RBFOX1: variants seen among roughly 807,000 people sequenced by gnomAD.
RBFOX1 encodes the protein RNA binding fox-1 homolog 1, also known as RNA binding protein fox-1 homolog 1.
A neutral mutation model predicts 57.7 loss-of-function variants in RBFOX1; 8 were observed. That is an observed-to-expected ratio of 0.14 (90% CI 0.08 to 0.25). The LOEUF is 0.25. Ranked by LOEUF, RBFOX1 falls within the 10% of genes least tolerant of loss-of-function variation. RBFOX1 has a pLI of 1.00. For missense variants in RBFOX1, 611 were observed against 548.5 expected (o/e 1.11, Z -1.14); for synonymous variants, 326 against 222.4 (o/e 1.47, Z -4.15).
At chr16:7,369,467 A>T (rs1179946958) in intron 4 of RBFOX1, among the ~76,000 whole-genome samples, 1 of 152,136 alleles carries the variant, frequency 6.6e-6, no homozygotes, top group Non-Finnish European at 1.5e-5. Flanking sequence ...TGGAACCAAG[A>T]TGAATAATAA....
intron 3 of RBFOX1, among the ~76,000 whole-genome samples, chr16:5,824,466 T>A (rs1338460290): frequency 6.6e-6 from 1 of 152,150 alleles, no homozygotes; most frequent in African/African-American, 2.4e-5. Context: ...CCAGGGCACA[T>A]TCCCAGGGCC....
intron 4 of RBFOX1, among the ~76,000 whole-genome samples, chr16:7,100,887 G>C (rs980248222): frequency 6.6e-6 from 1 of 152,124 alleles, no homozygotes; most frequent in Non-Finnish European, 1.5e-5. Context: ...AAGTTAAACT[G>C]CTAAACATTT....
chr16:6,707,528 G>C (rs1329004363), intron 3 of RBFOX1, among the ~76,000 whole-genome samples: 1 of 113,804 alleles, frequency 8.8e-6, no homozygotes, highest in African/African-American at 3.6e-5. Flanking sequence ...GAACATCCTT[G>C]TACATGCATC....
At position 6,644,252 on chromosome 16, in the gene RBFOX1, A is replaced by AT. The variant is rs1278584598; in HGVS notation, c.-63-10350dup. Among the ~76,000 whole-genome samples, 6 of 152,360 alleles carry AT rather than the reference A, an allele frequency of 3.9e-5. No individual in the cohort carries two copies. The East Asian group carries it at 1.2e-3, about 29-fold the overall frequency. On this transcript the variant is annotated intron_variant, in intron 2 of 15. Transcript: ENST00000550418. ...TTTCACAACAATAGGCAATGTAAGCATGCATCCAAACTATCAGAAAGCTTG... is the reference window on the plus strand; with the variant it reads ...TTTCACAACAATAGGCAATGTAAGCATTGCATCCAAACTATCAGAAAGCTTG...
At chr16:6,963,163 C>G (rs180878986) in intron 3 of RBFOX1, among the ~76,000 whole-genome samples, 114 of 152,226 alleles carry the variant, frequency 7.5e-4, no homozygotes, top group Non-Finnish European at 6.5e-4. Flanking sequence ...AGTTGCCACC[C>G]AAGCCTAGCA....
At chr16:7,217,499 G>T (rs1031469146) in intron 4 of RBFOX1, among the ~76,000 whole-genome samples, 7 of 151,782 alleles carry the variant, frequency 4.6e-5, no homozygotes, top group Non-Finnish European at 1.0e-4. Context: ...CCTGGTGTTC[G>T]GGAGTCTGCT....
intron 1 of RBFOX1, among the ~76,000 whole-genome samples, chr16:6,151,261 G>T (rs1218809609): frequency 1.3e-5 from 2 of 152,136 alleles, no homozygotes; most frequent in Non-Finnish European, 2.9e-5. Context: ...TTCAGGAATT[G>T]CATAATTCCT....
At chr16:6,669,651 C>T (rs982444004) in intron 3 of RBFOX1, among the ~76,000 whole-genome samples, 5 of 152,012 alleles carry the variant, frequency 3.3e-5, no homozygotes, top group Admixed American at 6.6e-5. Context: ...TTTTCTTTTG[C>T]GTGTGTGTTT....
At chr16:7,537,703 C>G (rs1302827911) in intron 5 of RBFOX1, among the ~76,000 whole-genome samples, 3 of 152,154 alleles carry the variant, frequency 2.0e-5, no homozygotes, top group East Asian at 3.9e-4. Context: ...CATCCAGGCC[C>G]TTATGCTTGG....
chr16:6,312,186 T>C (rs1018886689), intron 1 of RBFOX1, among the ~76,000 whole-genome samples: 2 of 152,132 alleles, frequency 1.3e-5, no homozygotes, highest in East Asian at 1.9e-4. Context: ...TAAATGGGCA[T>C]GTTTCTTACA....
At chr16:6,978,228 A>G (rs559210239) in intron 3 of RBFOX1, among the ~76,000 whole-genome samples, 1 of 152,308 alleles carries the variant, frequency 6.6e-6, no homozygotes, top group Non-Finnish European at 1.5e-5. Flanking sequence ...GCTTCTTGAA[A>G]AACAAGTTTC....
Position 6,931,387 on chromosome 16 carries a change from A to G in RBFOX1, c.-15-120670A>G, listed in dbSNP as rs79037768. Among the ~76,000 whole-genome samples the G allele has an allele frequency of 2.2e-3, 342 of 152,074 alleles. 5 individuals are homozygous for G. In the East Asian group the frequency reaches 0.049, roughly 22 times the overall value. ...CATACATACACATATATACATACATATATGTGTATGTTTATGTGTGCATGA... is the reference window on the plus strand; with the variant it reads ...CATACATACACATATATACATACATGTATGTGTATGTTTATGTGTGCATGA... On this transcript the variant is annotated intron_variant, in intron 3 of 15. Transcript: ENST00000550418.
chr16:7,293,901 G>A (rs2095842176), intron 4 of RBFOX1, among the ~76,000 whole-genome samples: 1 of 152,084 alleles, frequency 6.6e-6, no homozygotes, highest in Admixed American at 6.5e-5. Flanking sequence ...TGAGACCCTG[G>A]GAAGGTCCAG....
intron 1 of RBFOX1, among the ~76,000 whole-genome samples, chr16:6,138,436 T>C (rs2096685253): frequency 6.6e-6 from 1 of 152,208 alleles, no homozygotes. Flanking sequence ...CTGGTATAGA[T>C]CTACTTCCCT....
intron 2 of RBFOX1, among the ~76,000 whole-genome samples, chr16:6,548,370 T>A (rs1315418100): frequency 1.3e-5 from 2 of 152,124 alleles, no homozygotes; most frequent in African/African-American, 4.8e-5. Flanking sequence ...GGTCTCAATA[T>A]CAAATTGTTG....
At chr16:5,886,632 C>G (rs2057906068) in intron 4 of RBFOX1, among the ~76,000 whole-genome samples, 1 of 152,160 alleles carries the variant, frequency 6.6e-6, no homozygotes, top group South Asian at 2.1e-4. Flanking sequence ...TCACGCCTGT[C>G]ATCTCAGCAC....
intron 2 of RBFOX1, among the ~76,000 whole-genome samples, chr16:6,539,599 A>C (rs1378395206): frequency 6.6e-6 from 1 of 151,954 alleles, no homozygotes; most frequent in Non-Finnish European, 1.5e-5. Flanking sequence ...GGAGTTCAAG[A>C]CCAGCCTGCC....
intron 2 of RBFOX1, among the ~76,000 whole-genome samples, chr16:6,355,234 A>G (rs2087080984): frequency 6.6e-6 from 1 of 152,148 alleles, no homozygotes; most frequent in East Asian, 1.9e-4. Context: ...TGCTGCACTC[A>G]TCAACCCATC....
chr16:7,694,933 A>T (rs1164338919), intron 14 of RBFOX1, among the ~76,000 whole-genome samples: 1 of 152,174 alleles, frequency 6.6e-6, no homozygotes, highest in Non-Finnish European at 1.5e-5. Context: ...GTTAGGTTAT[A>T]TTTGGACATC....
Sources: allele counts gnomAD v4.1 joint callset (sites outside exome capture counted in the v4.1 genomes callset), GRCh38; gene constraint gnomAD v4.1.1; transcripts MANE v1.5; gene names NCBI Gene and HGNC (gene_info 2026-07-23, HGNC 2026-07-21).